Variants in SOX5 observed in about 807,000 individuals in gnomAD.
SOX5 encodes the protein transcription factor SOX-5.
A neutral mutation model predicts 92.0 loss-of-function variants in SOX5; 9 were observed. The ratio of observed to expected loss-of-function variants is 0.10; its 90% CI spans 0.06 to 0.17. SOX5 has a LOEUF of 0.17. Ranked by LOEUF, SOX5 falls within the 10% of genes least tolerant of loss-of-function variation. SOX5 has a pLI of 1.00. For synonymous variants in SOX5, 344 were observed against 336.3 expected (o/e 1.02, Z -0.25); for missense variants, 642 against 944.5 (o/e 0.68, Z 4.20).
At chr12:24,275,522 C>T (rs1375816208) in intron 3 of SOX5, among the ~76,000 whole-genome samples, 1 of 152,042 alleles carries the variant, frequency 6.6e-6, no homozygotes, top group Non-Finnish European at 1.5e-5. Context: ...ATGAAATACT[C>T]ATTTCATTCT....
At chr12:23,578,357 T>C (rs1398998727) in intron 9 of SOX5, among the ~76,000 whole-genome samples, 2 of 150,850 alleles carry the variant, frequency 1.3e-5, no homozygotes, top group African/African-American at 2.4e-5. Context: ...GCAAATTCTC[T>C]ATCATAGAAA....
intron 7 of SOX5, among the ~76,000 whole-genome samples, chr12:23,650,367 A>T (rs1027900867): frequency 6.6e-5 from 10 of 152,272 alleles, no homozygotes; most frequent in African/African-American, 2.4e-4. Context: ...TACAGGGTCA[A>T]CAGTAAGCAT....
chr12:23,860,959 A>AC (rs201112988), intron 2 of SOX5, among the ~76,000 whole-genome samples: 51,372 of 134,382 alleles, frequency 0.38, 10,326 homozygotes, highest in Non-Finnish European at 0.48. Context: ...TTGTAAAAAA[A>AC]AAAAAAAAAA....
intron 1 of SOX5, among the ~76,000 whole-genome samples, chr12:24,554,366 T>G (rs958533294): frequency 6.6e-6 from 1 of 152,150 alleles, no homozygotes; most frequent in Non-Finnish European, 1.5e-5. Context: ...GAACATCTTT[T>G]TCTTTTCCTC....
intron 1 of SOX5, among the ~76,000 whole-genome samples, chr12:24,548,710 C>T (rs1449959298): frequency 2.6e-5 from 4 of 152,166 alleles, no homozygotes; most frequent in Non-Finnish European, 4.4e-5. Context: ...GAAATCCTTC[C>T]TCTTGCCTTC....
At chr12:24,289,194 T>G (rs1324457745) in intron 2 of SOX5, among the ~76,000 whole-genome samples, 1 of 151,548 alleles carries the variant, frequency 6.6e-6, no homozygotes, top group Admixed American at 6.6e-5. Flanking sequence ...GGCAGGAGGA[T>G]CACTTGAGCC....
intron 4 of SOX5, among the ~76,000 whole-genome samples, chr12:24,013,819 T>G (rs574505073): frequency 6.6e-6 from 1 of 152,322 alleles, no homozygotes; most frequent in South Asian, 2.1e-4. Flanking sequence ...TTTAAATGGT[T>G]TTCATAGATT....
At chr12:24,128,929 G>A (rs75021068) in intron 4 of SOX5, among the ~76,000 whole-genome samples, 1,802 of 152,246 alleles carry the variant, frequency 0.012, 13 homozygotes, top group Non-Finnish European at 0.02. Context: ...GGACTAGGAA[G>A]GTGGCAATGG....
At chr12:23,985,560 C>T (rs1949987518) in intron 4 of SOX5, among the ~76,000 whole-genome samples, 1 of 152,120 alleles carries the variant, frequency 6.6e-6, no homozygotes. Context: ...AAAGGTTCTG[C>T]ATAAGAAACA....
At chr12:23,884,192 A>G (rs1020283797) in intron 2 of SOX5, among the ~76,000 whole-genome samples, 1 of 152,182 alleles carries the variant, frequency 6.6e-6, no homozygotes, top group Non-Finnish European at 1.5e-5. Flanking sequence ...TCTAGGTTAG[A>G]TGCCATTTTT....
At chr12:24,194,401 CTAGATAGGTAGG>C (rs2139445299) in intron 4 of SOX5, among the ~76,000 whole-genome samples, 1 of 151,556 alleles carries the variant, frequency 6.6e-6, no homozygotes, top group South Asian at 2.1e-4. Context: ...ATCTATCTAT[CTAGATAGGTAGG>C]TAGGTAGGTA....
At chr12:24,548,424 T>C (rs1161734798) in intron 1 of SOX5, among the ~76,000 whole-genome samples, 2 of 152,234 alleles carry the variant, frequency 1.3e-5, no homozygotes, top group East Asian at 3.8e-4. Flanking sequence ...GGCAGGATTT[T>C]AGAATATCTG....
chr12:23,734,625 A>G, intron 6 of SOX5, 59 bp downstream of exon 6: 3 of 1,289,566 alleles, frequency 2.3e-6, no homozygotes, highest in Non-Finnish European at 3.3e-6. Context: ...GTATTTAAGG[A>G]TAAGAAACAG....
At chr12:24,287,592 C>CTT (rs763973565) in intron 2 of SOX5, among the ~76,000 whole-genome samples, 10,045 of 79,384 alleles carry the variant, frequency 0.13, 639 homozygotes, top group Non-Finnish European at 0.15. Flanking sequence ...TTCTCAAATC[C>CTT]TTTTTTTTTT....
At chr12:23,589,917 T>C (rs1254794688) in intron 9 of SOX5, among the ~76,000 whole-genome samples, 2 of 151,982 alleles carry the variant, frequency 1.3e-5, no homozygotes, top group Non-Finnish European at 2.9e-5. Flanking sequence ...CCTACCCTCA[T>C]GGGACTGAGG....
At chr12:24,197,405 A>AT (rs1322904889) in intron 4 of SOX5, among the ~76,000 whole-genome samples, 1 of 152,210 alleles carries the variant, frequency 6.6e-6, no homozygotes, top group Non-Finnish European at 1.5e-5. Context: ...AAATTAAAAA[A>AT]ATATATATTC....
At chr12:24,128,280 G>A (rs1382999026) in intron 4 of SOX5, among the ~76,000 whole-genome samples, 2 of 152,124 alleles carry the variant, frequency 1.3e-5, no homozygotes, top group African/African-American at 2.4e-5. Context: ...AGCATCTTCT[G>A]AGGAAAAAAA....
intron 2 of SOX5, among the ~76,000 whole-genome samples, chr12:24,298,846 A>T (rs1947619140): frequency 6.8e-6 from 1 of 146,252 alleles, no homozygotes; most frequent in African/African-American, 2.5e-5. Flanking sequence ...GGAAGGTTAA[A>T]TTTTTTAAGT....
chr12:23,625,387 C>T (rs1385011677), intron 8 of SOX5, among the ~76,000 whole-genome samples: 1 of 152,080 alleles, frequency 6.6e-6, no homozygotes, highest in African/African-American at 2.4e-5. Flanking sequence ...AGTTATTTGG[C>T]TTTATTAATA....
Sources: gnomAD v4.1 joint callset for allele counts (sites outside exome capture counted in the v4.1 genomes callset) on GRCh38, gnomAD v4.1.1 for gene constraint, MANE v1.5 for transcripts, NCBI Gene and HGNC (gene_info 2026-07-23, HGNC 2026-07-21) for gene names.